Variants in MTMR10 observed in about 807,000 individuals in gnomAD.
MTMR10 encodes the protein myotubularin-related protein 10.
Under a neutral mutation model 88.1 loss-of-function variants are expected in MTMR10, and 56 were observed. The observed-to-expected ratio is 0.64, with a 90% CI of 0.51 to 0.79. The LOEUF is 0.79. MTMR10 is among the 30% of genes least tolerant of loss of function. The pLI, the probability that MTMR10 is intolerant of heterozygous loss-of-function variation, is 0.00. For missense variants in MTMR10, 883 were observed against 924.7 expected, an observed-to-expected ratio of 0.95 and a Z score of 0.58; for synonymous variants, 380 against 340.9, an observed-to-expected ratio of 1.11 and a Z score of -1.26.
intron 5 of MTMR10, among the ~76,000 whole-genome samples, chr15:30,971,112 C>A (rs933959773): frequency 6.6e-6 from 1 of 152,128 alleles, no homozygotes; most frequent in African/African-American, 2.4e-5. Context: ...CTTTTACATA[C>A]ACACTATTTT....
rs780135596 is a variant in MTMR10, at chr15:30,960,888, A to T, written c.751T>A (p.Ser251Thr). ...VCSINEGYMI[S>T]TCLPEYIVVP... The stretch of plus-strand genomic sequence containing the variant: ...TGCTAAAATTGTACTTACCAAGTGG[A>T]TATCATGTAACCCTCGTTAATAGAA... Residue 251 changes from serine (S) to threonine (T), a missense_variant, in exon 7 of 16, where the codon TCC (serine) becomes ACC (threonine). This residue lies in a region of MTMR10 where 414 missense variants were observed against 423.2 expected (regional missense o/e 0.98). Coordinates refer to ENST00000435680, the MANE Select transcript of MTMR10 (RefSeq NM_017762.3). The T allele has an allele frequency of 6.3e-7, 1 of 1,598,100 alleles. No homozygotes were observed. Among genetic ancestry groups the T allele is most frequent in the East Asian group, 2.3e-5 (1 of 44,438 alleles).
intron 9 of MTMR10, among the ~76,000 whole-genome samples, chr15:30,956,657 G>GCCAGGTCCTTTGAGTT (rs2063331898): frequency 1.3e-5 from 2 of 152,218 alleles, no homozygotes; most frequent in Non-Finnish European, 2.9e-5. Flanking sequence ...AGGGAAAAAG[G>GCCAGGTCCTTTGAGTT]TTAGGAGACG....
In MTMR10 at chr15:30,939,515, A is replaced by AT. The variant is rs2140978631; in HGVS notation, c.*1954dup. ...TAAACTGTAGCACAATAATCATGAT[A>AT]TAACAACTGTCCAGCAAAAATAAAA... On this transcript the variant is annotated 3_prime_UTR_variant, in exon 16 of 16. Coordinates refer to ENST00000435680, the MANE Select transcript of MTMR10 (RefSeq NM_017762.3). The AT allele has an allele frequency of 1.0e-6, 1 of 981,546 alleles. No individual in the cohort carries two copies. Among genetic ancestry groups the AT allele is most frequent in the Non-Finnish European group, 1.2e-6 (1 of 826,412 alleles). The allele number at this position is 981,546 out of a possible 1,614,324, so 60.8% of individuals were successfully genotyped here.
the MTMR10 span, among the ~76,000 whole-genome samples, chr15:30,923,775 G>C: frequency 6.6e-6 from 1 of 152,194 alleles, no homozygotes; most frequent in East Asian, 1.9e-4. Flanking sequence ...TGGATGGCCT[G>C]AGCCTTCACT....
At chr15:30,953,419 A>G (rs2063278308) in intron 11 of MTMR10, 143 bp downstream of exon 11, 3 of 641,748 alleles carry the variant, frequency 4.7e-6, no homozygotes, top group Non-Finnish European at 8.2e-6. Context: ...TGGATGCTGT[A>G]CTCTAGTTAC....
intron 9 of MTMR10, 100 bp downstream of exon 9, chr15:30,958,763 G>T: frequency 8.1e-7 from 1 of 1,233,044 alleles, no homozygotes; most frequent in Non-Finnish European, 1.2e-6. Flanking sequence ...TAACTAATTA[G>T]TAAGACTATG....
At chr15:30,944,770 G>A (rs1021413446) in intron 14 of MTMR10, among the ~76,000 whole-genome samples, 1 of 151,958 alleles carries the variant, frequency 6.6e-6, no homozygotes, top group Non-Finnish European at 1.5e-5. Context: ...CAGTACTTTG[G>A]GAAGCTGAGG....
intron 14 of MTMR10, chr15:30,943,942 T>C (rs2339048): frequency 0.77 from 753,833 of 985,144 alleles, 290,261 homozygotes; most frequent in East Asian, 0.87. Flanking sequence ...AGGAAATAAC[T>C]CCAGACACAA....
rs2063105979 is a variant in MTMR10, at chr15:30,943,059, C to T, written c.1562G>A (p.Ser521Asn). 3 of 1,532,288 alleles carry T rather than the reference C, an allele frequency of 2.0e-6. No individual in the cohort carries two copies. Among genetic ancestry groups the T allele is most frequent in the Non-Finnish European group, 2.6e-6 (3 of 1,141,992 alleles). 94.9% of individuals were successfully genotyped at this position (1,532,288 alleles called of 1,614,324 possible). ...RVKQSTEFAI[S>N]KNIQLGDEKG... is the part of the protein sequence containing the mutation. ...CTCATCACCCAATTGGATGTTTTTG[C>T]TTATAGCAAATTCCTGCAAAATAAA... Residue 521 changes from serine to asparagine, a missense_variant, in exon 15 of 16, where the codon AGC becomes AAC. Coordinates refer to ENST00000435680, the MANE Select transcript of MTMR10 (RefSeq NM_017762.3).
the MTMR10 span, among the ~76,000 whole-genome samples, chr15:30,923,165 T>A: frequency 6.6e-6 from 1 of 152,212 alleles, no homozygotes; most frequent in East Asian, 1.9e-4. Flanking sequence ...TATGACATCT[T>A]GTTTTTATTG....
At chr15:30,931,394 T>C in the MTMR10 span, among the ~76,000 whole-genome samples, 1 of 152,226 alleles carries the variant, frequency 6.6e-6, no homozygotes, top group African/African-American at 2.4e-5. Context: ...TTCATTTTCT[T>C]AATAGTGTCT....
the MTMR10 span, chr15:30,929,075 T>G: frequency 4.7e-6 from 4 of 854,670 alleles, no homozygotes; most frequent in South Asian, 6.8e-5. Context: ...AATTAACTTT[T>G]ACTTATCTTT....
chr15:30,974,428 G>T lies in MTMR10; in HGVS notation c.360C>A (p.Val120=). Residue 120 remains valine, a synonymous_variant, in exon 5 of 16, where the codon GTC becomes GTA. Transcript: ENST00000435680. ...TVNDHKRKQK[V]LGPNQKLKFN... Reference sequence around the variant, plus strand: ...ATTTCAGTTTCTGGTTGGGGCCTAGGACTTTCTGCTTCCTCTTGTGGTCGT... The same window carrying T: ...ATTTCAGTTTCTGGTTGGGGCCTAGTACTTTCTGCTTCCTCTTGTGGTCGT... The T allele has an allele frequency of 6.3e-7, 1 of 1,575,042 alleles. No homozygotes were observed. Among genetic ancestry groups the T allele is most frequent in the Non-Finnish European group, 8.6e-7 (1 of 1,158,538 alleles).
rs572739643 is a variant in MTMR10, at chr15:30,955,303, T to C, written c.936-410A>G. On this transcript the variant is annotated intron_variant, in intron 9 of 15. Transcript: ENST00000435680. ...TTTTTCTTTTTGAGACGGAGTCTCATACTGTCGCCCAGGCTGGAGTGCAGT... is the reference window on the plus strand; with the variant it reads ...TTTTTCTTTTTGAGACGGAGTCTCACACTGTCGCCCAGGCTGGAGTGCAGT... Among the ~76,000 whole-genome samples, 162 of 152,298 alleles carry C rather than the reference T, an allele frequency of 1.1e-3. 2 individuals are homozygous for C. The highest frequency in any genetic ancestry group is 3.7e-3 in the African/African-American group (155 of 41,578).
intron 9 of MTMR10, among the ~76,000 whole-genome samples, chr15:30,958,041 A>G (rs1476303092): frequency 6.6e-6 from 1 of 152,200 alleles, no homozygotes; most frequent in African/African-American, 2.4e-5. Flanking sequence ...GGTTTCTGAG[A>G]GCAGGCTGGG....
chr15:30,961,073 G>C lies in MTMR10; in HGVS notation c.566C>G (p.Ala189Gly). The C allele has an allele frequency of 6.5e-7, 1 of 1,542,770 alleles. No homozygotes were observed. Among genetic ancestry groups the C allele is most frequent in the Non-Finnish European group, 8.7e-7 (1 of 1,143,408 alleles). Residue 189 changes from alanine (A) to glycine (G), a missense_variant and splice_region_variant, in exon 7 of 16, where the codon GCA (alanine) becomes GGA (glycine). This residue lies in a region of MTMR10 where 414 missense variants were observed against 423.2 expected (regional missense o/e 0.98). Coordinates refer to ENST00000435680, the MANE Select transcript of MTMR10 (RefSeq NM_017762.3). ...EYVGKKYHNS[A>G]NKINGIPSGD... ...TGAGGGAATTCCATTAATTTTGTTT[G>C]CTGTAGGAAAAAGCAACATTATGAA...
At chr15:30,946,645 T>C in intron 14 of MTMR10, 1 of 678,458 alleles carries the variant, frequency 1.5e-6, no homozygotes. Flanking sequence ...AATGGCACTT[T>C]GGTTCAGAAT....
At chr15:30,956,376 G>A (rs2063328157) in intron 9 of MTMR10, 1 of 152,226 alleles carries the variant, frequency 6.6e-6, no homozygotes, top group Admixed American at 6.5e-5. Context: ...TCTTCGTGGG[G>A]TGGGGTAGAT....
intron 10 of MTMR10, 87 bp downstream of exon 10, chr15:30,954,676 A>G: frequency 7.9e-7 from 1 of 1,273,752 alleles, no homozygotes; most frequent in Non-Finnish European, 1.0e-6. Flanking sequence ...ATCTATTTCT[A>G]CATTTTTAAG....
Sources: allele counts gnomAD v4.1 joint callset (sites outside exome capture counted in the v4.1 genomes callset), GRCh38; gene constraint gnomAD v4.1.1; regional missense constraint gnomAD v4.1.1; transcripts MANE v1.5; gene names NCBI Gene and HGNC (gene_info 2026-07-23, HGNC 2026-07-21).